Variants in DNMT3B observed in about 807,000 individuals in gnomAD.
DNMT3B encodes the protein DNA methyltransferase 3 beta, also known as DNA (cytosine-5)-methyltransferase 3B.
In DNMT3B, 37 loss-of-function variants were observed where a neutral mutation model predicts 120.2. The observed-to-expected ratio is 0.31, with a 90% CI of 0.24 to 0.40. DNMT3B has a LOEUF of 0.40. DNMT3B is among the 10% of genes least tolerant of loss of function. The pLI is 1.00. For missense variants in DNMT3B, 878 were observed against 1,137.3 expected (o/e 0.77, Z 3.28); for synonymous variants, 412 against 442.8 (o/e 0.93, Z 0.87).
At chr20:32,792,820 ACTT>A (rs1215069496) in intron 9 of DNMT3B, 50 bp downstream of exon 9, 1 of 1,611,776 alleles carries the variant, frequency 6.2e-7, no homozygotes, top group African/African-American at 1.3e-5. Context: ...TGGTGGGACC[ACTT>A]CTTGGGAGAG....
At chr20:32,797,080 A>C in intron 13 of DNMT3B, 107 bp from the exon 14 acceptor site, 1 of 1,604,962 alleles carries the variant, frequency 6.2e-7, no homozygotes, top group South Asian at 1.1e-5. Flanking sequence ...ACACCAAGCC[A>C]CCAGCAGTGT....
At position 32,800,362 on chromosome 20, in the gene DNMT3B, C is replaced by A. The variant is rs182180704; in HGVS notation, c.1905+64C>A. 1.8e-4 allele frequency: 284 copies of A among 1,608,678 alleles called. 3 individuals are homozygous for A. The East Asian group carries it at 4.2e-3, about 24-fold the overall frequency. On this transcript the variant is annotated intron_variant, in intron 17 of 22. Transcript: ENST00000328111. The stretch of plus-strand genomic sequence containing the variant: ...TGTCTTTTTCCCCAGTCCTCCACAC[C>A]CTGAAACCCACATGTAGGCCCCATC...
At chr20:32,787,593 A>C in intron 6 of DNMT3B, 142 bp downstream of exon 6, 1 of 1,003,032 alleles carries the variant, frequency 1.0e-6, no homozygotes, top group South Asian at 1.4e-5. Flanking sequence ...TTTGAATTCT[A>C]AGTATCTTCC....
chr20:32,776,053 A>G (rs1176391649), intron 1 of DNMT3B, among the ~76,000 whole-genome samples: 3 of 152,148 alleles, frequency 2.0e-5, no homozygotes, highest in Admixed American at 6.6e-5. Context: ...ACATGGTGAA[A>G]CCACGTCTCT....
chr20:32,785,402 T>C (rs1411805351), intron 4 of DNMT3B, among the ~76,000 whole-genome samples: 2 of 152,166 alleles, frequency 1.3e-5, no homozygotes, highest in African/African-American at 4.8e-5. Flanking sequence ...TGTAACACTC[T>C]TGGAGGTGCC....
intron 1 of DNMT3B, among the ~76,000 whole-genome samples, chr20:32,771,611 G>C (rs1286710138): frequency 6.9e-6 from 1 of 145,562 alleles, no homozygotes; most frequent in Non-Finnish European, 1.5e-5. Context: ...ACTCCAGCCT[G>C]GGCAACAGAG....
rs539018090 is a variant in DNMT3B at position 32,805,378 on chromosome 20, G to A, written c.2272G>A (p.Asp758Asn). ...AAAGAATGATAAACTCGAGCTGCAG[G>A]ACTGCTTGGAATACAATAGGATAGC... Reference protein sequence around the residue: ...ASKNDKLELQDCLEYNRIAKL... With the variant: ...ASKNDKLELQNCLEYNRIAKL... The change falls in exon 21 of 23, where the codon GAC becomes AAC. Residue 758 changes from aspartate (D) to asparagine (N), a missense_variant. By Grantham distance (23) the Asp-to-Asn change is conservative. Coordinates refer to ENST00000328111, the MANE Select transcript of DNMT3B (RefSeq NM_006892.4). The A allele has an allele frequency of 8.1e-6, 13 of 1,614,118 alleles. No homozygotes were observed. The highest frequency in any genetic ancestry group is 5.3e-5 in the African/African-American group (4 of 75,032).
chr20:32,768,564 T>A (rs1179260189), intron 1 of DNMT3B, among the ~76,000 whole-genome samples: 2 of 152,030 alleles, frequency 1.3e-5, no homozygotes, highest in Non-Finnish European at 2.9e-5. Flanking sequence ...TAGGCTCAAG[T>A]GTAATCCCAA....
chr20:32,776,084 C>G (rs1988055643), intron 1 of DNMT3B, among the ~76,000 whole-genome samples: 1 of 152,146 alleles, frequency 6.6e-6, no homozygotes. Flanking sequence ...CAAAAATTAG[C>G]CAGGCATGGT....
chr20:32,778,183 A>G (rs1988163129), intron 1 of DNMT3B, among the ~76,000 whole-genome samples: 1 of 152,080 alleles, frequency 6.6e-6, no homozygotes, highest in Non-Finnish European at 1.5e-5. Flanking sequence ...TAAAAATACA[A>G]AAATCAGCTG....
At position 32,784,807 on chromosome 20, in the gene DNMT3B, C is replaced by A; in HGVS notation, c.254C>A (p.Pro85Gln). ...DGEDGDGSDTPVMPKLFRETR... is the reference protein window; with the variant it reads ...DGEDGDGSDTQVMPKLFRETR... ...GAAGATGGGGATGGCTCTGACACCC[C>A]AGTCATGCCAAAGCTCTTCCGGGAA... The change falls in exon 4 of 23, where the codon CCA becomes CAA. Residue 85 changes from proline (P) to glutamine (Q), a missense_variant. Physicochemically the swap from Pro to Gln is moderately conservative, Grantham distance 76. Around this residue, in one of 4 missense-constraint regions of DNMT3B, gnomAD observed 287 missense variants for 306.2 expected, o/e 0.94. Transcript: ENST00000328111. 3 of 1,614,114 alleles carry A rather than the reference C, an allele frequency of 1.9e-6. No individual in the cohort carries two copies. The highest frequency in any genetic ancestry group is 2.5e-6 in the Non-Finnish European group (3 of 1,180,026).
In DNMT3B at chr20:32,797,270, G is replaced by C. The variant is rs766551055; in HGVS notation, c.1461G>C (p.Leu487=). Residue 487 remains leucine (L), a synonymous_variant, in exon 14 of 23, where the codon CTG becomes CTC. Transcript: ENST00000328111. The stretch of plus-strand genomic sequence containing the variant: ...CTGTGTGCTGCGAGGGCCGAGAGCT[G>C]CTGCTTTGCAGCAACACGAGCTGCT... ...YCTVCCEGRE[L]LLCSNTSCCR... The C allele has an allele frequency of 6.2e-7, 1 of 1,614,156 alleles. No individual in the cohort carries two copies. The highest frequency in any genetic ancestry group is 1.7e-5 in the Admixed American group (1 of 60,030).
At chr20:32,776,122 G>C (rs1344543324) in intron 1 of DNMT3B, among the ~76,000 whole-genome samples, 1 of 152,094 alleles carries the variant, frequency 6.6e-6, no homozygotes, top group Non-Finnish European at 1.5e-5. Context: ...CCAGCTACTC[G>C]GGAGGCTGAG....
At chr20:32,769,116 G>T (rs928250720) in intron 1 of DNMT3B, among the ~76,000 whole-genome samples, 15 of 152,222 alleles carry the variant, frequency 9.9e-5, no homozygotes, top group Admixed American at 8.5e-4. Context: ...ACGGAGTCTT[G>T]CTCTGTCGCC....
At chr20:32,803,466 C>T (rs1981602785) in intron 20 of DNMT3B, among the ~76,000 whole-genome samples, 1 of 152,168 alleles carries the variant, frequency 6.6e-6, no homozygotes, top group Non-Finnish European at 1.5e-5. Flanking sequence ...TCTTAGGGTG[C>T]CATGTCTGTG....
At chr20:32,804,684 CT>C (rs537765800) in intron 20 of DNMT3B, among the ~76,000 whole-genome samples, 24,180 of 112,610 alleles carry the variant, frequency 0.21, 1,830 homozygotes, top group East Asian at 0.48. Flanking sequence ...GGTGCTTAGT[CT>C]TTTTTTTTTT....
intron 6 of DNMT3B, 89 bp from the exon 7 acceptor site, chr20:32,788,765 T>G (rs1335923590): frequency 6.5e-7 from 1 of 1,545,578 alleles, no homozygotes; most frequent in African/African-American, 1.4e-5. Context: ...GGCAAGCTTT[T>G]TGTTGCCCTC....
At chr20:32,764,922 C>A (rs1987210538) in intron 1 of DNMT3B, among the ~76,000 whole-genome samples, 1 of 152,176 alleles carries the variant, frequency 6.6e-6, no homozygotes, top group South Asian at 2.1e-4. Flanking sequence ...GGCCTGTGAT[C>A]CAGAGGCGCC....
chr20:32,807,797 C>T lies in DNMT3B; in HGVS notation c.2456C>T (p.Ser819Phe), dbSNP rs1348564459. 1 of 1,614,162 alleles carries T rather than the reference C, an allele frequency of 6.2e-7. No individual in the cohort carries two copies. Among genetic ancestry groups the T allele is most frequent in the East Asian group, 2.2e-5 (1 of 44,866 alleles). Residue 819 changes from serine to phenylalanine, a missense_variant, in exon 23 of 23, where the codon TCC becomes TTC. Around this residue, in one of 4 missense-constraint regions of DNMT3B, gnomAD observed 334 missense variants for 518.8 expected, o/e 0.64. Transcript: ENST00000328111. ...TTTCCTGTGCACTACACAGACGTGT[C>T]CAACATGGGCCGTGGTGCCCGCCAG... ...FGFPVHYTDVSNMGRGARQKL... is the reference protein window; with the variant it reads ...FGFPVHYTDVFNMGRGARQKL...
Sources: allele counts gnomAD v4.1 joint callset (sites outside exome capture counted in the v4.1 genomes callset), GRCh38; gene constraint gnomAD v4.1.1; regional missense constraint gnomAD v4.1.1; transcripts MANE v1.5; gene names NCBI Gene and HGNC (gene_info 2026-07-23, HGNC 2026-07-21).